Variants in ACACB observed in about 807,000 individuals in gnomAD.
ACACB encodes the protein acetyl-CoA carboxylase beta.
In ACACB, 209 loss-of-function variants were observed where a neutral mutation model predicts 278.8. That is an observed-to-expected ratio of 0.75 (90% CI 0.67 to 0.84). The LOEUF is 0.84. Ranked by LOEUF, ACACB falls within the 40% of genes least tolerant of loss-of-function variation. The pLI, the probability that ACACB is intolerant of heterozygous loss-of-function variation, is 0.00. For synonymous variants in ACACB, 1,174 were observed against 1,285.6 expected (o/e 0.91, Z 1.86); for missense variants, 2,850 against 3,269.0 (o/e 0.87, Z 3.13).
At chr12:109,215,180 G>A (rs2045957172) in intron 22 of ACACB, among the ~76,000 whole-genome samples, 1 of 151,796 alleles carries the variant, frequency 6.6e-6, no homozygotes, top group Non-Finnish European at 1.5e-5. Flanking sequence ...TTTTTAAAAT[G>A]GTCTCTATAC....
Position 109,197,100 on chromosome 12 carries a change from G to A in ACACB, c.2574G>A (p.Leu858=), listed in dbSNP as rs769107809. Residue 858 remains leucine (L), a synonymous_variant, in exon 17 of 53, where the codon CTG becomes CTA. Transcript: ENST00000338432. ...DAHRLNDGGL[L]LSYNGNSYTT... is the part of the protein sequence containing the mutation. ...ACCGGCTGAATGATGGGGGGCTCCT[G>A]CTCTCCTACAATGGGAACAGCTACA... 1.9e-6 allele frequency: 3 copies of A among 1,602,662 alleles called. No homozygotes were observed. Among genetic ancestry groups the A allele is most frequent in the Admixed American group, 3.5e-5 (2 of 57,606 alleles).
At chr12:109,264,993 G>A (rs2047475436) in intron 50 of ACACB, 117 bp from the exon 51 acceptor site, 2 of 1,177,614 alleles carry the variant, frequency 1.7e-6, no homozygotes, top group South Asian at 3.0e-5. Context: ...GGGATGATCT[G>A]GGAATGATCT....
At position 109,264,272 on chromosome 12, in the gene ACACB, G is replaced by A. The variant is rs761451468; in HGVS notation, c.6828G>A (p.Glu2276=). The A allele has an allele frequency of 1.2e-6, 2 of 1,614,068 alleles. No homozygotes were observed. Among genetic ancestry groups the A allele is most frequent in the South Asian group, 1.1e-5 (1 of 91,092 alleles). ...DLSDKDRKDL[E]GRLKAREDLL... is the part of the protein sequence containing the mutation. ...CCGACAAGGACCGAAAGGACCTGGA[G>A]GGCCGGCTAAAGGCTCGCGAGGACC... The change falls in exon 50 of 53, where the codon GAG becomes GAA. Residue 2276 remains glutamate, a synonymous_variant. Transcript: ENST00000338432.
In ACACB at chr12:109,136,383, T is replaced by TA. The variant is rs1448333733; in HGVS notation, c.-9-3012dup. Among the ~76,000 whole-genome samples, 4 of 152,314 alleles carry TA rather than the reference T, an allele frequency of 2.6e-5. No homozygotes were observed. In the East Asian group the frequency reaches 7.7e-4, roughly 29 times the overall value. On this transcript the variant is annotated intron_variant, in intron 1 of 52. Coordinates refer to ENST00000338432, the MANE Select transcript of ACACB (RefSeq NM_001093.4). ...TTGGATAATATGGACATCTTAACAA[T>TA]AAGTCTTCCAATCCATGAGCAAGGT...
Position 109,241,071 on chromosome 12 carries a change from G to A in ACACB, c.4819-7G>A, listed in dbSNP as rs1327265357. The A allele has an allele frequency of 5.0e-6, 8 of 1,613,072 alleles. No homozygotes were observed. The highest frequency in any genetic ancestry group is 4.2e-6 in the Non-Finnish European group (5 of 1,179,270). The stretch of plus-strand genomic sequence containing the variant: ...CCTGAAACTGGAATTGCTGTGTTTT[G>A]GGGCAGATCGAGGAGTCCGTGCGCT... On this transcript the variant is annotated splice_region_variant and splice_polypyrimidine_tract_variant and intron_variant, in intron 35 of 52. Coordinates refer to ENST00000338432, the MANE Select transcript of ACACB (RefSeq NM_001093.4).
At chr12:109,174,548 G>GGA (rs2044221471) in intron 7 of ACACB, among the ~76,000 whole-genome samples, 2 of 133,152 alleles carry the variant, frequency 1.5e-5, no homozygotes, top group African/African-American at 5.5e-5. Flanking sequence ...TATTCTTTGG[G>GGA]AAAAAAAAAA....
rs556199952 is a variant in ACACB, at chr12:109,230,964, G to A, written c.4002-1705G>A. Among the ~76,000 whole-genome samples, 21 of 152,244 alleles carry A rather than the reference G, an allele frequency of 1.4e-4. No individual in the cohort carries two copies. The South Asian group carries it at 3.9e-3, about 29-fold the overall frequency. ...TCTCAGTGCCAGAAATGTACTCTGG[G>A]CCTGTGAAGAGACCTTGCCTGCGGC... On this transcript the variant is annotated intron_variant, in intron 28 of 52. Transcript: ENST00000338432.
chr12:109,176,104 T>C (rs775614931), intron 8 of ACACB, 49 bp from the exon 9 acceptor site: 5 of 1,611,922 alleles, frequency 3.1e-6, no homozygotes, highest in African/African-American at 1.3e-5. Context: ...CTGGTAGCAG[T>C]TGGCAACTGG....
chr12:109,262,347 C>T lies in ACACB; in HGVS notation c.6675-10C>T, dbSNP rs375890404. ...TCATATACCCCCATCCCTGCCTCTT[C>T]TCTTTTAAGGGGTGGTGTTCTGGAA... On this transcript the variant is annotated splice_polypyrimidine_tract_variant and intron_variant, in intron 48 of 52. Transcript: ENST00000338432. The T allele has an allele frequency of 1.1e-5, 17 of 1,610,210 alleles. No homozygotes were observed. In the African/African-American group the frequency reaches 1.2e-4, roughly 11 times the overall value.
At chr12:109,193,619 G>A in intron 15 of ACACB, 29 bp from the exon 16 acceptor site, 1 of 1,583,054 alleles carries the variant, frequency 6.3e-7, no homozygotes, top group East Asian at 2.2e-5. Flanking sequence ...CCCTCCCAAG[G>A]CTGACCACAA....
chr12:109,188,222 C>CTTCT (rs2044738552), intron 13 of ACACB, 60 bp downstream of exon 13: 1 of 1,413,702 alleles, frequency 7.1e-7, no homozygotes, highest in Admixed American at 1.9e-5. Flanking sequence ...TCCTTCCTTC[C>CTTCT]TTCCTTCCTT....
chr12:109,165,821 A>G (rs1311607655), intron 2 of ACACB, among the ~76,000 whole-genome samples: 1 of 152,200 alleles, frequency 6.6e-6, no homozygotes, highest in African/African-American at 2.4e-5. Context: ...GGAAGGCCAT[A>G]GATGCTGTCT....
intron 1 of ACACB, among the ~76,000 whole-genome samples, chr12:109,136,143 T>G (rs1347484884): frequency 6.6e-6 from 1 of 152,228 alleles, no homozygotes; most frequent in Non-Finnish European, 1.5e-5. Context: ...TTGGATGGTC[T>G]TGATATCCAT....
chr12:109,235,101 C>G (rs1389512580), intron 31 of ACACB, among the ~76,000 whole-genome samples: 1 of 152,182 alleles, frequency 6.6e-6, no homozygotes, highest in Non-Finnish European at 1.5e-5. Flanking sequence ...CACCACAGCC[C>G]TAGGCAACCA....
At chr12:109,222,936 C>A (rs2046216612) in intron 26 of ACACB, 24 bp downstream of exon 26, 3 of 1,554,916 alleles carry the variant, frequency 1.9e-6, no homozygotes, top group Non-Finnish European at 2.6e-6. Flanking sequence ...CTTCCTTTCA[C>A]CATCTGCAGA....
chr12:109,214,138 T>C (rs572656008), intron 22 of ACACB, among the ~76,000 whole-genome samples: 89 of 151,662 alleles, frequency 5.9e-4, no homozygotes, highest in Non-Finnish European at 1.0e-3. Context: ...GGTGTGTACC[T>C]ATAGGCCCAG....
chr12:109,206,895 G>A (rs1039554070), intron 20 of ACACB, 39 bp downstream of exon 20: 7 of 1,612,286 alleles, frequency 4.3e-6, no homozygotes, highest in East Asian at 4.5e-5. Context: ...AGACCAGTGC[G>A]GAGGGTCAGA....
intron 11 of ACACB, among the ~76,000 whole-genome samples, chr12:109,180,347 C>T (rs2044424506): frequency 6.6e-6 from 1 of 152,218 alleles, no homozygotes; most frequent in Non-Finnish European, 1.5e-5. Flanking sequence ...ATCCTTTGGA[C>T]ACATTTTATA....
intron 20 of ACACB, 33 bp from the exon 21 acceptor site, chr12:109,209,132 G>A (rs1345805103): frequency 6.4e-7 from 1 of 1,557,168 alleles, no homozygotes; most frequent in Non-Finnish European, 8.7e-7. Context: ...GCCCATGCAG[G>A]GCTGGGGGCT....
Sources: gnomAD v4.1 joint callset for allele counts (sites outside exome capture counted in the v4.1 genomes callset) on GRCh38, gnomAD v4.1.1 for gene constraint, MANE v1.5 for transcripts, NCBI Gene and HGNC (gene_info 2026-07-23, HGNC 2026-07-21) for gene names.